The following GSG1L variants were observed in gnomAD, a reference collection of about 807,000 sequenced individuals.
GSG1L encodes the protein germ cell-specific gene 1-like protein.
GSG1L carries 24 observed loss-of-function variants against 42.1 expected under a neutral mutation model. The observed-to-expected ratio is 0.57, with a 90% CI of 0.41 to 0.80. The LOEUF is 0.80. GSG1L is among the 30% of genes least tolerant of loss of function. The probability of loss-of-function intolerance (pLI) is 0.00; values close to 1 mark genes in which losing one functional copy is unlikely to be tolerated. For missense variants in GSG1L, 445 were observed against 472.2 expected, an observed-to-expected ratio of 0.94 and a Z score of 0.53; for synonymous variants, 215 against 203.5, an observed-to-expected ratio of 1.06 and a Z score of -0.48.
At chr16:27,795,414 G>A (rs2082807537) in intron 6 of GSG1L, among the ~76,000 whole-genome samples, 1 of 152,152 alleles carries the variant, frequency 6.6e-6, no homozygotes, top group Non-Finnish European at 1.5e-5. Context: ...TGCAAATTGT[G>A]TGAATTTTTT....
At chr16:27,892,142 T>C (rs2084135905) in intron 2 of GSG1L, among the ~76,000 whole-genome samples, 1 of 151,994 alleles carries the variant, frequency 6.6e-6, no homozygotes, top group Non-Finnish European at 1.5e-5. Context: ...GAATCTAAAG[T>C]CCCATTTTTA....
At position 28,059,406 on chromosome 16, in the gene GSG1L, G is replaced by T. The variant is rs939800019; in HGVS notation, c.349+3670C>A. Among the ~76,000 whole-genome samples the T allele has an allele frequency of 6.6e-6, 1 of 151,972 alleles. No individual in the cohort carries two copies. Among genetic ancestry groups the T allele is most frequent in the Admixed American group, 6.6e-5 (1 of 15,252 alleles). Reference sequence around the variant, plus strand: ...CCCACCCCGTCACCACCCAGCCCTGGGACTGGTCTCTCTCTTCTCTCTCCA... The same window carrying T: ...CCCACCCCGTCACCACCCAGCCCTGTGACTGGTCTCTCTCTTCTCTCTCCA... On this transcript the variant is annotated intron_variant, in intron 1 of 6. Coordinates refer to ENST00000447459, the MANE Select transcript of GSG1L (RefSeq NM_001109763.2). The surrounding 1 kb of genome is among the most constrained non-coding windows in gnomAD (Gnocchi z 4.4).
chr16:27,872,957 G>A (rs1433151088), intron 3 of GSG1L, among the ~76,000 whole-genome samples: 1 of 152,202 alleles, frequency 6.6e-6, no homozygotes, highest in African/African-American at 2.4e-5. Flanking sequence ...CCACTGCTCT[G>A]CCTATGGAGT....
intron 4 of GSG1L, among the ~76,000 whole-genome samples, chr16:27,843,504 T>TAAAAAAA (rs55755431): frequency 1.3e-5 from 1 of 75,942 alleles, no homozygotes; most frequent in Non-Finnish European, 2.7e-5. Context: ...AGAGACTCTG[T>TAAAAAAA]AAAAAAAAAA....
chr16:27,940,676 A>G (rs6498051), intron 2 of GSG1L, among the ~76,000 whole-genome samples: 29,231 of 60,238 alleles, frequency 0.49, 7,096 homozygotes, highest in Middle Eastern at 0.62. Context: ...ACACAGGAAG[A>G]GGAACATCAC....
chr16:27,954,323 T>G, intron 2 of GSG1L, among the ~76,000 whole-genome samples: 1 of 152,060 alleles, frequency 6.6e-6, no homozygotes, highest in East Asian at 1.9e-4. Context: ...AGCTAGAAAT[T>G]TCATGAATAG....
intron 1 of GSG1L, among the ~76,000 whole-genome samples, chr16:28,055,567 G>T (rs2086270259): frequency 6.6e-6 from 1 of 152,040 alleles, no homozygotes; most frequent in African/African-American, 2.4e-5. Flanking sequence ...TGCCTTCCGG[G>T]TTCAAGCAAT....
rs59650383 is a variant in GSG1L at position 27,888,464 on chromosome 16, C to CTTTCTTTCTTTCTT, written c.398-3827_398-3826insAAGAAAGAAAGAAA. ...TCTTTCTTTCTTTCTTTCTTTCTTTCTCTCTCTCTCTCTCTTTCCTTTCTT... is the reference window on the plus strand; with the variant it reads ...TCTTTCTTTCTTTCTTTCTTTCTTTCTTTCTTTCTTTCTTTCTCTCTCTCTCTCTTTCCTTTCTT... On this transcript the variant is annotated intron_variant, in intron 2 of 6. Coordinates refer to ENST00000447459, the MANE Select transcript of GSG1L (RefSeq NM_001109763.2). Among the ~76,000 whole-genome samples, 10 of 10,988 alleles carry CTTTCTTTCTTTCTT rather than the reference C, an allele frequency of 9.1e-4. 2 individuals carry two copies. The highest frequency in any genetic ancestry group is 1.4e-3 in the Admixed American group (1 of 730). The allele number at this position is 10,988 out of a possible 152,430, so 7.2% of individuals were successfully genotyped here.
Position 27,789,029 on chromosome 16 carries a change from C to T in GSG1L, c.*2341G>A, listed in dbSNP as rs1345203680. 6.6e-6 allele frequency: 1 copy of T among 152,178 alleles called. No individual in the cohort carries two copies. The highest frequency in any genetic ancestry group is 1.5e-5 in the Non-Finnish European group (1 of 68,054). The allele number at this position is 152,178 out of a possible 1,614,324, so 9.4% of individuals were successfully genotyped here. ...AACTATATCAGTGAATAGATGGATG[C>T]ACAGCTGGATGGTTGAGTAATGAGG... On this transcript the variant is annotated 3_prime_UTR_variant, in exon 7 of 7. Coordinates refer to ENST00000447459, the MANE Select transcript of GSG1L (RefSeq NM_001109763.2).
intron 3 of GSG1L, among the ~76,000 whole-genome samples, chr16:27,875,148 C>T (rs540407809): frequency 6.6e-6 from 1 of 152,256 alleles, no homozygotes; most frequent in Admixed American, 6.5e-5. Context: ...TGACTTCTTT[C>T]CTCAAAGACT....
chr16:27,919,357 T>C (rs1023777078), intron 2 of GSG1L, among the ~76,000 whole-genome samples: 1 of 152,176 alleles, frequency 6.6e-6, no homozygotes, highest in Non-Finnish European at 1.5e-5. Flanking sequence ...TACCTTCCTC[T>C]CTGACTCCAT....
At chr16:28,050,248 C>T (rs1453463183) in intron 1 of GSG1L, among the ~76,000 whole-genome samples, 2 of 152,068 alleles carry the variant, frequency 1.3e-5, no homozygotes, top group Admixed American at 6.6e-5. Flanking sequence ...GGTGCAATCA[C>T]AATTCACTGC....
intron 3 of GSG1L, among the ~76,000 whole-genome samples, chr16:27,883,483 C>G: frequency 6.6e-6 from 1 of 152,116 alleles, no homozygotes. Context: ...GTGGCATGTG[C>G]TCTAACTTCT....
At chr16:27,819,912 A>C (rs1339432856) in intron 5 of GSG1L, among the ~76,000 whole-genome samples, 1 of 152,138 alleles carries the variant, frequency 6.6e-6, no homozygotes, top group African/African-American at 2.4e-5. Flanking sequence ...GGATTCACCC[A>C]GGTAAGTCCT....
At chr16:27,905,703 G>A (rs2084313368) in intron 2 of GSG1L, among the ~76,000 whole-genome samples, 1 of 152,164 alleles carries the variant, frequency 6.6e-6, no homozygotes, top group Non-Finnish European at 1.5e-5. Context: ...CTAGCACGAA[G>A]AATGTACTTC....
chr16:27,940,416 C>T (rs1004130151), intron 2 of GSG1L, among the ~76,000 whole-genome samples: 19 of 144,408 alleles, frequency 1.3e-4, no homozygotes, highest in Middle Eastern at 3.6e-3. Context: ...ATGTTTATTG[C>T]GGCACTATTC....
At chr16:27,819,360 C>A (rs944981101) in intron 5 of GSG1L, among the ~76,000 whole-genome samples, 1 of 152,144 alleles carries the variant, frequency 6.6e-6, no homozygotes, top group Non-Finnish European at 1.5e-5. Flanking sequence ...TAATCACTGG[C>A]ATGGTGGTGG....
At chr16:27,803,654 T>C (rs955968527) in intron 6 of GSG1L, among the ~76,000 whole-genome samples, 1 of 151,954 alleles carries the variant, frequency 6.6e-6, no homozygotes, top group Non-Finnish European at 1.5e-5. Flanking sequence ...GCCACCATCA[T>C]GTCTCCCAAG....
At position 27,961,390 on chromosome 16, in the gene GSG1L, G is replaced by GGCTGC. The variant is rs1204941545; in HGVS notation, c.397+1765_397+1766insGCAGC. Among the ~76,000 whole-genome samples the GGCTGC allele has an allele frequency of 4.4e-3, 665 of 152,196 alleles. 10 individuals carry two copies. Among genetic ancestry groups the GGCTGC allele is most frequent in the African/African-American group, 0.015 (609 of 41,538 alleles). ...GAATTATGGGATGCACATCCCAGAG[G>GGCTGC]ACTGCACATCCCAGAGGGCTGCACA... is the stretch of plus-strand genomic sequence containing the variant. On this transcript the variant is annotated intron_variant, in intron 2 of 6. Transcript: ENST00000447459.
Sources: gnomAD v4.1 joint callset for allele counts (sites outside exome capture counted in the v4.1 genomes callset) on GRCh38, gnomAD v4.1.1 for gene constraint, Gnocchi (gnomAD v3.1) non-coding constraint, MANE v1.5 for transcripts, NCBI Gene and HGNC (gene_info 2026-07-23, HGNC 2026-07-21) for gene names.